The following DKKL1 variants were observed in gnomAD, a reference collection of about 807,000 sequenced individuals.
DKKL1 encodes dickkopf-like protein 1.
DKKL1 carries 11 observed loss-of-function variants against 16.5 expected under a neutral mutation model. The ratio of observed to expected loss-of-function variants is 0.67; its 90% CI spans 0.42 to 1.10. DKKL1 has a LOEUF of 1.10. Among genes scored for constraint, DKKL1 ranks in the 50% least tolerant of loss-of-function variants. The pLI is 0.00. For missense variants in DKKL1, 320 were observed against 308.1 expected (o/e 1.04, Z -0.29); for synonymous variants, 119 against 133.2 (o/e 0.89, Z 0.73).
At position 49,374,779 on chromosome 19, in the gene DKKL1, C is replaced by T. The variant is rs558906599; in HGVS notation, c.480C>T (p.His160=). Residue 160 remains histidine, a synonymous_variant, in exon 5 of 5, where the codon CAC becomes CAT. Coordinates refer to ENST00000221498, the MANE Select transcript of DKKL1 (RefSeq NM_014419.4). ...TCCAGAAGGCCACGGACAGCTTCCA[C>T]ACAGAACTCCATCCCCGGGTGGCCT... ...VPIQKATDSF[H]TELHPRVAFW... is the part of the protein sequence containing the mutation. 3 of 1,607,206 alleles carry T rather than the reference C, an allele frequency of 1.9e-6. No individual in the cohort carries two copies. The South Asian group carries it at 3.3e-5, about 18-fold the overall frequency.
At chr19:49,362,702 T>C (rs1973041816), upstream of DKKL1, among the ~76,000 whole-genome samples, 1 of 147,108 alleles carries the variant, frequency 6.8e-6, no homozygotes, top group Non-Finnish European at 1.5e-5. Context: ...CTGGGACTCC[T>C]GGGTCTGGGG....
chr19:49,372,304 T>C (rs1973523946), intron 4 of DKKL1, among the ~76,000 whole-genome samples: 2 of 152,134 alleles, frequency 1.3e-5, no homozygotes, highest in Admixed American at 1.3e-4. Flanking sequence ...CTCATACCCG[T>C]AGTCCCAGCA....
chr19:49,364,803 G>C (rs764458646), intron 2 of DKKL1, 49 bp downstream of exon 2: 1 of 1,584,328 alleles, frequency 6.3e-7, no homozygotes, highest in South Asian at 1.2e-5. Context: ...AAGAGGTTCA[G>C]GGACACAGAG....
chr19:49,360,644 C>T (rs1289380639), upstream of DKKL1, among the ~76,000 whole-genome samples: 1 of 151,702 alleles, frequency 6.6e-6, no homozygotes, highest in Non-Finnish European at 1.5e-5. Flanking sequence ...CTTCCCCTGT[C>T]CCACCCCAAG....
upstream of DKKL1, chr19:49,362,201 CCTCACTGA>C (rs1973002423): frequency 6.5e-6 from 1 of 152,768 alleles, no homozygotes; most frequent in African/African-American, 2.4e-5. Context: ...AGTTCCCACT[CCTCACTGA>C]GGCTCGGTCA....
At chr19:49,374,389 C>T (rs1286167031) in intron 4 of DKKL1, among the ~76,000 whole-genome samples, 1 of 152,182 alleles carries the variant, frequency 6.6e-6, no homozygotes, top group Non-Finnish European at 1.5e-5. Flanking sequence ...GTGCTTTGTA[C>T]ATTTCAAACT....
chr19:49,367,757 C>CA (rs751223147), intron 4 of DKKL1, among the ~76,000 whole-genome samples: 2 of 152,110 alleles, frequency 1.3e-5, no homozygotes, highest in Non-Finnish European at 2.9e-5. Context: ...AAGTGCTTTG[C>CA]AAAATCAGGG....
At chr19:49,363,729 T>G, upstream of DKKL1, 1 of 544,306 alleles carries the variant, frequency 1.8e-6, no homozygotes, top group Non-Finnish European at 3.4e-6. Flanking sequence ...AGGGGTGTGG[T>G]GAACGAAGGA....
chr19:49,365,453 G>T lies in DKKL1; in HGVS notation c.184-56G>T, dbSNP rs1973210711. On this transcript the variant is annotated intron_variant, in intron 2 of 4. Transcript: ENST00000221498. ...GCATCCTAGCAGGGCTGCAGAAGGG[G>T]CTGTACTGAGGAGATGTGAGGTCCA... The T allele has an allele frequency of 1.4e-5, 22 of 1,538,550 alleles. No homozygotes were observed. The East Asian group carries it at 5.0e-4, about 35-fold the overall frequency.
chr19:49,364,502 C>T, intron 1 of DKKL1, 80 bp from the exon 2 acceptor site: 1 of 1,331,450 alleles, frequency 7.5e-7, no homozygotes, highest in Non-Finnish European at 1.0e-6. Flanking sequence ...GGGAGGCGAC[C>T]TGGGCAAGGT....
At position 49,364,657 on chromosome 19, in the gene DKKL1, C is replaced by A; in HGVS notation, c.86C>A (p.Ala29Asp). The change falls in exon 2 of 5, where the codon GCT becomes GAT. Residue 29 changes from alanine (A) to aspartate (D), a missense_variant. Physicochemically the swap from Ala to Asp is moderately radical, Grantham distance 126 (BLOSUM62 -2). Coordinates refer to ENST00000221498, the MANE Select transcript of DKKL1 (RefSeq NM_014419.4). Reference sequence around the variant, plus strand: ...CTCTCTACCCTGGTGATCCCCTCCGCTGCAGCTCCTATCCATGATGCTGAC... The same window carrying A: ...CTCTCTACCCTGGTGATCCCCTCCGATGCAGCTCCTATCCATGATGCTGAC... ...LLLSTLVIPS[A>D]AAPIHDADAQ... 6.2e-7 allele frequency: 1 copy of A among 1,614,068 alleles called. No homozygotes were observed. The highest frequency in any genetic ancestry group is 8.5e-7 in the Non-Finnish European group (1 of 1,180,044).
chr19:49,360,915 G>C (rs1972829845), upstream of DKKL1, among the ~76,000 whole-genome samples: 1 of 133,440 alleles, frequency 7.5e-6, no homozygotes, highest in Admixed American at 7.3e-5. Context: ...AGACCAGAGA[G>C]AGAAGGGGAC....
intron 2 of DKKL1, among the ~76,000 whole-genome samples, chr19:49,365,244 C>T (rs996355238): frequency 1.3e-5 from 2 of 151,564 alleles, no homozygotes; most frequent in African/African-American, 4.9e-5. Context: ...GGGACAGAGA[C>T]AAGAGACTGG....
At chr19:49,360,799 A>AG (rs66557222), upstream of DKKL1, among the ~76,000 whole-genome samples, 7,072 of 45,972 alleles carry the variant, frequency 0.15, 662 homozygotes, top group African/African-American at 0.24. Flanking sequence ...GAGACCAGCA[A>AG]GGGGGGGGGA....
At chr19:49,373,738 G>A (rs555402043) in intron 4 of DKKL1, among the ~76,000 whole-genome samples, 5 of 152,150 alleles carry the variant, frequency 3.3e-5, no homozygotes, top group African/African-American at 1.2e-4. Flanking sequence ...GCAAAGTGCT[G>A]GATTACACAC....
At chr19:49,365,759 G>A (rs1973225324) in intron 3 of DKKL1, 34 bp from the exon 4 acceptor site, 1 of 1,609,532 alleles carries the variant, frequency 6.2e-7, no homozygotes, top group South Asian at 1.1e-5. Flanking sequence ...GAGGAAAGCA[G>A]GTTTGCTCTC....
intron 4 of DKKL1, among the ~76,000 whole-genome samples, chr19:49,366,864 C>T (rs1952591904): frequency 6.6e-6 from 1 of 151,792 alleles, no homozygotes; most frequent in African/African-American, 2.4e-5. Context: ...CGGACCACCA[C>T]ACCCAGCTAA....
chr19:49,366,624 G>A (rs1312481387), intron 4 of DKKL1, among the ~76,000 whole-genome samples: 1 of 151,786 alleles, frequency 6.6e-6, no homozygotes, highest in African/African-American at 2.4e-5. Context: ...ATCCCAAAGT[G>A]GTTGGTAAAC....
intron 4 of DKKL1, among the ~76,000 whole-genome samples, chr19:49,366,265 G>C (rs555823131): frequency 6.6e-6 from 1 of 152,238 alleles, no homozygotes; most frequent in African/African-American, 2.4e-5. Flanking sequence ...AGGAGGACAA[G>C]AAGAGGAACT....
Sources: gnomAD v4.1 joint callset for allele counts (sites outside exome capture counted in the v4.1 genomes callset) on GRCh38, gnomAD v4.1.1 for gene constraint, MANE v1.5 for transcripts, NCBI Gene and HGNC (gene_info 2026-07-23, HGNC 2026-07-21) for gene names.